Variants in ATG10 observed in about 807,000 individuals in gnomAD.
ATG10 encodes autophagy related 10.
A neutral mutation model predicts 32.1 loss-of-function variants in ATG10; 30 were observed. The ratio of observed to expected loss-of-function variants is 0.94; its 90% CI spans 0.70 to 1.27. ATG10 has a LOEUF of 1.27. Ranked by LOEUF, ATG10 falls within the 50% of genes most tolerant of loss-of-function variation. The probability of loss-of-function intolerance (pLI) is 0.00; values close to 1 mark genes in which losing one functional copy is unlikely to be tolerated. For synonymous variants in ATG10, 87 were observed against 91.5 expected (o/e 0.95, Z 0.28); for missense variants, 233 against 262.3 (o/e 0.89, Z 0.77).
intron 2 of ATG10, among the ~76,000 whole-genome samples, chr5:82,015,050 T>A (rs2149699188): frequency 6.6e-6 from 1 of 152,312 alleles, no homozygotes; most frequent in East Asian, 1.9e-4. Context: ...CAGCATTTGC[T>A]TGTCTGTAAA....
intron 3 of ATG10, among the ~76,000 whole-genome samples, chr5:82,146,389 G>C (rs1012811645): frequency 2.6e-5 from 4 of 151,984 alleles, no homozygotes; most frequent in African/African-American, 9.7e-5. Context: ...TGATTATGAT[G>C]TGTATAGGTG....
At chr5:82,036,029 C>T (rs995253047) in intron 2 of ATG10, among the ~76,000 whole-genome samples, 1 of 151,902 alleles carries the variant, frequency 6.6e-6, no homozygotes, top group Non-Finnish European at 1.5e-5. Flanking sequence ...TTCCCCTACA[C>T]CTTTATAATT....
chr5:82,121,043 T>TA (rs1416466503), intron 3 of ATG10, among the ~76,000 whole-genome samples: 1 of 152,216 alleles, frequency 6.6e-6, no homozygotes, highest in Non-Finnish European at 1.5e-5. Flanking sequence ...TGGGATTCAG[T>TA]AACCCTACCA....
chr5:82,214,527 A>AT (rs895104883), intron 5 of ATG10, among the ~76,000 whole-genome samples: 4 of 152,204 alleles, frequency 2.6e-5, no homozygotes, highest in African/African-American at 9.6e-5. Context: ...TAGGATGAAG[A>AT]TTTTTTTAAT....
chr5:82,083,986 G>A (rs184872055), intron 3 of ATG10, among the ~76,000 whole-genome samples: 54 of 152,322 alleles, frequency 3.5e-4, no homozygotes, highest in African/African-American at 1.1e-3. Flanking sequence ...TGACTATGAC[G>A]CGTTGAGAGA....
intron 5 of ATG10, among the ~76,000 whole-genome samples, chr5:82,219,720 C>A (rs1433057366): frequency 3.3e-5 from 5 of 152,232 alleles, no homozygotes; most frequent in African/African-American, 1.2e-4. Context: ...ACCTCACATT[C>A]ATTACTAACA....
chr5:82,082,505 A>C (rs1238382257), intron 3 of ATG10, among the ~76,000 whole-genome samples: 1 of 152,220 alleles, frequency 6.6e-6, no homozygotes, highest in Non-Finnish European at 1.5e-5. Context: ...TTCATTTTAA[A>C]GACCCTCTTG....
At chr5:82,240,508 C>T (rs533883056) in intron 5 of ATG10, among the ~76,000 whole-genome samples, 1 of 152,122 alleles carries the variant, frequency 6.6e-6, no homozygotes, top group Admixed American at 6.5e-5. Context: ...TTACTAGAGG[C>T]TGGGAAGGAT....
chr5:82,016,840 C>T (rs896244528), intron 2 of ATG10, among the ~76,000 whole-genome samples: 3 of 152,056 alleles, frequency 2.0e-5, no homozygotes, highest in African/African-American at 7.2e-5. Context: ...AGGCGCCTGC[C>T]ACCACGCCTG....
chr5:82,120,421 A>G lies in ATG10; in HGVS notation c.217-43978A>G, dbSNP rs1290871244. On this transcript the variant is annotated intron_variant, in intron 3 of 7. Coordinates refer to ENST00000282185, the MANE Select transcript of ATG10 (RefSeq NM_031482.5). ...CAGGCAGTTTCAGAGCCTGCTATAC[A>G]TGAAAAAAGTCACAAATAGATGGAT... Among the ~76,000 whole-genome samples, 2 of 152,168 alleles carry G rather than the reference A, an allele frequency of 1.3e-5. 1 individual carries two copies. The highest frequency in any genetic ancestry group is 2.9e-5 in the Non-Finnish European group (2 of 68,026).
intron 5 of ATG10, chr5:82,242,836 A>G: frequency 8.8e-6 from 4 of 452,284 alleles, no homozygotes; most frequent in South Asian, 6.3e-5. Context: ...TATTTCAGTG[A>G]CAAAGAATAT....
chr5:82,046,051 A>C (rs190541541), intron 2 of ATG10, among the ~76,000 whole-genome samples: 51 of 152,092 alleles, frequency 3.4e-4, no homozygotes, highest in African/African-American at 1.1e-3. Flanking sequence ...AATCTGGCCT[A>C]TTGTCCCCAG....
At chr5:82,080,961 C>T (rs1231485246) in intron 3 of ATG10, among the ~76,000 whole-genome samples, 1 of 152,112 alleles carries the variant, frequency 6.6e-6, no homozygotes, top group African/African-American at 2.4e-5. Context: ...GCAGTATGGC[C>T]ATTGTCACAA....
intron 3 of ATG10, among the ~76,000 whole-genome samples, chr5:82,090,115 G>A (rs1764832761): frequency 1.3e-5 from 2 of 150,176 alleles, no homozygotes; most frequent in African/African-American, 4.9e-5. Flanking sequence ...AACACCAGAT[G>A]CTGGCAAGGA....
At chr5:82,151,899 A>G (rs1767612555) in intron 3 of ATG10, among the ~76,000 whole-genome samples, 1 of 152,160 alleles carries the variant, frequency 6.6e-6, no homozygotes, top group Non-Finnish European at 1.5e-5. Flanking sequence ...TACTAAGTAC[A>G]CCCAGTGATA....
At chr5:82,011,620 A>G (rs1377698270) in intron 2 of ATG10, among the ~76,000 whole-genome samples, 1 of 152,196 alleles carries the variant, frequency 6.6e-6, no homozygotes, top group Non-Finnish European at 1.5e-5. Context: ...ATTTGTGCAT[A>G]GCTTAATTGC....
chr5:82,067,161 A>G (rs1396597622), intron 3 of ATG10, among the ~76,000 whole-genome samples: 1 of 152,134 alleles, frequency 6.6e-6, no homozygotes, highest in Non-Finnish European at 1.5e-5. Flanking sequence ...AGATATTATT[A>G]AAGGGTTCAA....
At chr5:82,046,412 A>G (rs996520193) in intron 2 of ATG10, among the ~76,000 whole-genome samples, 5 of 152,228 alleles carry the variant, frequency 3.3e-5, no homozygotes, top group Non-Finnish European at 5.9e-5. Context: ...GTGTAAAGAC[A>G]GAAGCAGAGA....
At chr5:82,247,295 C>T (rs1747077152) in intron 5 of ATG10, among the ~76,000 whole-genome samples, 1 of 152,088 alleles carries the variant, frequency 6.6e-6, no homozygotes, top group Admixed American at 6.5e-5. Flanking sequence ...TTGATGTTAT[C>T]CCACAGATGT....
Sources: gnomAD v4.1 joint callset for allele counts (sites outside exome capture counted in the v4.1 genomes callset) on GRCh38, gnomAD v4.1.1 for gene constraint, MANE v1.5 for transcripts, NCBI Gene and HGNC (gene_info 2026-07-23, HGNC 2026-07-21) for gene names.